Variants in EMILIN2 observed in about 807,000 individuals in gnomAD.
EMILIN2 encodes the protein elastin microfibril interfacer 2.
Under a neutral mutation model 87.1 loss-of-function variants are expected in EMILIN2, and 71 were observed. That is an observed-to-expected ratio of 0.82 (90% confidence interval 0.67 to 0.99). The LOEUF (loss-of-function observed/expected upper bound fraction) is 0.99, where lower values mean the gene tolerates loss of function less well. Ranked by LOEUF, EMILIN2 falls within the 50% of genes least tolerant of loss-of-function variation. The pLI is 0.00. For missense variants in EMILIN2, 1,407 were observed against 1,371.8 expected (o/e 1.03, Z -0.40); for synonymous variants, 581 against 563.4 (o/e 1.03, Z -0.44).
At chr18:2,873,594 C>G (rs982366484) in intron 2 of EMILIN2, among the ~76,000 whole-genome samples, 4 of 151,586 alleles carry the variant, frequency 2.6e-5, no homozygotes, top group Non-Finnish European at 5.9e-5. Context: ...GTAGTCCCAG[C>G]TACTCGGGAG....
intron 2 of EMILIN2, among the ~76,000 whole-genome samples, chr18:2,858,226 T>C (rs371112143): frequency 6.6e-6 from 1 of 151,732 alleles, no homozygotes; most frequent in Non-Finnish European, 1.5e-5. Context: ...GTAAATTCTT[T>C]AGTGGTGATT....
At position 2,884,991 on chromosome 18, in the gene EMILIN2, T is replaced by C. The variant is rs758494354; in HGVS notation, c.285T>C (p.Tyr95=). Residue 95 remains tyrosine, a synonymous_variant, in exon 3 of 8, where the codon TAT becomes TAC. Coordinates refer to ENST00000254528, the MANE Select transcript of EMILIN2 (RefSeq NM_032048.3). ...ATCGAGTGAACTTCAGACCTAGATA[T>C]GTCACTAGGTATAAGACAGTGACAC... The part of the protein sequence containing the change: ...LVYRVNFRPR[Y]VTRYKTVTQL... The C allele has an allele frequency of 4.4e-6, 7 of 1,608,482 alleles. No homozygotes were observed. The highest frequency in any genetic ancestry group is 1.6e-4 in the Middle Eastern group (1 of 6,068).
At chr18:2,856,677 C>A (rs1312558741) in intron 2 of EMILIN2, among the ~76,000 whole-genome samples, 1 of 152,194 alleles carries the variant, frequency 6.6e-6, no homozygotes, top group African/African-American at 2.4e-5. Flanking sequence ...TCTAGTCTCC[C>A]ACACAAATGT....
intron 2 of EMILIN2, among the ~76,000 whole-genome samples, chr18:2,862,689 T>G (rs2076667071): frequency 6.6e-6 from 1 of 152,194 alleles, no homozygotes; most frequent in African/African-American, 2.4e-5. Context: ...CTCTTTTTTT[T>G]GTTGTGTCTC....
At position 2,885,065 on chromosome 18, in the gene EMILIN2, A is replaced by G. The variant is rs766458687; in HGVS notation, c.359A>G (p.Glu120Gly). Residue 120 changes from glutamate to glycine, a missense_variant, in exon 3 of 8, where the codon GAA becomes GGA. By Grantham distance (98) the Glu-to-Gly change is moderately conservative. Coordinates refer to ENST00000254528, the MANE Select transcript of EMILIN2 (RefSeq NM_032048.3). ...CPGFRGGDCQ[E>G]GPKDPVKTLR... is the part of the protein sequence containing the mutation. ...GGCTTTAGAGGGGGAGATTGCCAAG[A>G]AGGTCCCAAAGACCCCGTGAAGACC... The G allele has an allele frequency of 3.1e-6, 5 of 1,613,898 alleles. No homozygotes were observed. Among genetic ancestry groups the G allele is most frequent in the Non-Finnish European group, 4.2e-6 (5 of 1,179,934 alleles).
At chr18:2,853,003 G>C (rs879080657) in intron 2 of EMILIN2, among the ~76,000 whole-genome samples, 8 of 152,062 alleles carry the variant, frequency 5.3e-5, no homozygotes, top group East Asian at 1.9e-4. Context: ...AATTCCTAAG[G>C]GTGGCTCAAT....
At chr18:2,846,319 G>A (rs1255630025), upstream of EMILIN2, among the ~76,000 whole-genome samples, 1 of 152,246 alleles carries the variant, frequency 6.6e-6, no homozygotes, top group African/African-American at 2.4e-5. This position sits in a 1 kb window ranked among gnomAD's most constrained non-coding sequence, Gnocchi z 5.3. Context: ...AAAGTTCACA[G>A]TGGGACCTCA....
At chr18:2,855,917 G>T (rs910443406) in intron 2 of EMILIN2, among the ~76,000 whole-genome samples, 24 of 152,162 alleles carry the variant, frequency 1.6e-4, no homozygotes, top group African/African-American at 5.8e-4. Context: ...ATTGTTTGTC[G>T]GTTTGGAATG....
chr18:2,884,504 C>G (rs940144284), intron 2 of EMILIN2, among the ~76,000 whole-genome samples: 2 of 152,220 alleles, frequency 1.3e-5, no homozygotes, highest in African/African-American at 4.8e-5. Context: ...CCTCAGCCTC[C>G]CAAAGTGCTG....
rs531680526 is a variant in EMILIN2 at position 2,891,899 on chromosome 18, A to C, written c.1772A>C (p.His591Pro). Residue 591 changes from histidine to proline, a missense_variant, in exon 4 of 8, where the codon CAC becomes CCC. By Grantham distance (77) the His-to-Pro change is moderately conservative. Coordinates refer to ENST00000254528, the MANE Select transcript of EMILIN2 (RefSeq NM_032048.3). This position sits in a 1 kb window ranked among gnomAD's most constrained non-coding sequence, Gnocchi z 4.6. ...HLLKSLNDTM[H>P]RKFQETEQTI... ...TTGAAATCTCTCAACGACACGATGC[A>C]CAGGAAGTTTCAAGAAACCGAACAA... 6 of 1,614,248 alleles carry C rather than the reference A, an allele frequency of 3.7e-6. No homozygotes were observed. In the South Asian group the frequency reaches 4.4e-5, roughly 12 times the overall value.
Position 2,892,067 on chromosome 18 carries a change from GTGAGCAAGAAAGGACAGTGGACACCC to G in EMILIN2, c.1943_1968del (p.Glu648AlafsTer33). 1 of 1,614,226 alleles carries G rather than the reference GTGAGCAAGAAAGGACAGTGGACACCC, an allele frequency of 6.2e-7. No homozygotes were observed. The highest frequency in any genetic ancestry group is 8.5e-7 in the Non-Finnish European group (1 of 1,180,050). On this transcript the variant is annotated frameshift_variant, in exon 4 of 8. Coordinates refer to ENST00000254528, the MANE Select transcript of EMILIN2 (RefSeq NM_032048.3). LOFTEE classifies it high-confidence loss of function. ...GGCATGGGTAGGTTCACTAAGGTGG[GTGAGCAAGAAAGGACAGTGGACACCC>G]TGCCGTCCCCCCAGCACCCCGTGGC...
intron 4 of EMILIN2, among the ~76,000 whole-genome samples, chr18:2,902,006 G>T (rs1246699615): frequency 1.3e-5 from 2 of 152,222 alleles, no homozygotes; most frequent in Non-Finnish European, 2.9e-5. Context: ...CTGGCTCAAG[G>T]AATATCTTAG....
chr18:2,865,558 C>T (rs557554919), intron 2 of EMILIN2, among the ~76,000 whole-genome samples: 52 of 152,156 alleles, frequency 3.4e-4, no homozygotes, highest in African/African-American at 1.2e-3. Context: ...GCTGGCTGAT[C>T]GTTCCTCTGG....
chr18:2,891,747 C>T lies in EMILIN2; in HGVS notation c.1620C>T (p.Asn540=). ...SGDERVMMEL[N]HLKDKVQVVE... ...ATGAACGGGTCATGATGGAATTAAA[C>T]CACCTGAAGGACAAAGTTCAAGTTG... The change falls in exon 4 of 8, where the codon AAC becomes AAT. Residue 540 remains asparagine, a synonymous_variant. Transcript: ENST00000254528. This position sits in a 1 kb window ranked among gnomAD's most constrained non-coding sequence, Gnocchi z 4.6. 6.2e-7 allele frequency: 1 copy of T among 1,614,158 alleles called. No individual in the cohort carries two copies. The highest frequency in any genetic ancestry group is 8.5e-7 in the Non-Finnish European group (1 of 1,180,034).
Position 2,906,937 on chromosome 18 carries a change from GC to G in EMILIN2, c.2516del (p.Pro839GlnfsTer57). On this transcript the variant is annotated frameshift_variant, in exon 5 of 8. Coordinates refer to ENST00000254528, the MANE Select transcript of EMILIN2 (RefSeq NM_032048.3). LOFTEE classifies it high-confidence loss of function. ...CCCCCGAGGAGAGGCCGCCCCAGCC[GC>G]CAGGCTCCACCGGGGTCATCGCGGA... ...RPPEERPPQP[P>X]GSTGVIAETG... 1 of 1,398,578 alleles carries G rather than the reference GC, an allele frequency of 7.2e-7. No individual in the cohort carries two copies. The highest frequency in any genetic ancestry group is 9.3e-7 in the Non-Finnish European group (1 of 1,073,896). 86.6% of individuals were successfully genotyped at this position (1,398,578 alleles called of 1,614,324 possible). A position where few individuals can be genotyped will look rare whatever the true frequency, so the allele number is the denominator to read the frequency against.
Position 2,906,982 on chromosome 18 carries a change from C to T in EMILIN2, c.2559C>T (p.Pro853=), listed in dbSNP as rs2144070251. 7.2e-7 allele frequency: 1 copy of T among 1,388,184 alleles called. No individual in the cohort carries two copies. The highest frequency in any genetic ancestry group is 3.1e-5 in the East Asian group (1 of 32,232). The allele number at this position is 1,388,184 out of a possible 1,614,324, so 86.0% of individuals were successfully genotyped here. A position where few individuals can be genotyped will look rare whatever the true frequency, so the allele number is the denominator to read the frequency against. ...GVIAETGQAG[P]PAGAGVSGRG... is the part of the protein sequence containing the mutation. ...TCGCGGAGACGGGCCAGGCCGGGCC[C>T]CCCGCAGGCGCAGGCGTGTCTGGGC... is the stretch of plus-strand genomic sequence containing the variant. The change falls in exon 5 of 8, where the codon CCC becomes CCT. Residue 853 remains proline, a synonymous_variant. Coordinates refer to ENST00000254528, the MANE Select transcript of EMILIN2 (RefSeq NM_032048.3).
chr18:2,846,690 C>G, upstream of EMILIN2: 1 of 946,000 alleles, frequency 1.1e-6, no homozygotes, highest in Non-Finnish European at 1.3e-6. This position sits in a 1 kb window ranked among gnomAD's most constrained non-coding sequence, Gnocchi z 5.3. Context: ...CGAGGACGGC[C>G]AGACTCGCCG....
At chr18:2,881,936 C>T (rs761009495) in intron 2 of EMILIN2, among the ~76,000 whole-genome samples, 18 of 152,146 alleles carry the variant, frequency 1.2e-4, no homozygotes, top group African/African-American at 1.7e-4. Context: ...ATGGGTTGGC[C>T]GAAGTGGGGG....
chr18:2,868,955 GTT>G lies in EMILIN2; in HGVS notation c.258-15996_258-15995del, dbSNP rs11332432. 2.5e-3 allele frequency among the ~76,000 whole-genome samples: 368 copies of G among 146,122 alleles called. 4 individuals are homozygous for G. Among genetic ancestry groups the G allele is most frequent in the African/African-American group, 7.0e-3 (280 of 40,140 alleles). ...TACACAATATGTCAGTTTGAAGGGA[GTT>G]TTTTTTTTTTTTAATCCTGTTTGGC... On this transcript the variant is annotated intron_variant, in intron 2 of 7. Coordinates refer to ENST00000254528, the MANE Select transcript of EMILIN2 (RefSeq NM_032048.3).
Sources: gnomAD v4.1 joint callset for allele counts (sites outside exome capture counted in the v4.1 genomes callset) on GRCh38, gnomAD v4.1.1 for gene constraint, Gnocchi (gnomAD v3.1) non-coding constraint, MANE v1.5 for transcripts, NCBI Gene and HGNC (gene_info 2026-07-23, HGNC 2026-07-21) for gene names.